The following ESR1 variants were observed in gnomAD, a reference collection of about 807,000 sequenced individuals.
ESR1 encodes the protein estrogen receptor 1.
Under a neutral mutation model 52.7 loss-of-function variants are expected in ESR1, and 12 were observed. The observed-to-expected ratio is 0.23, with a 90% CI of 0.15 to 0.37. The LOEUF (loss-of-function observed/expected upper bound fraction) is 0.37, where lower values mean the gene tolerates loss of function less well. Ranked by LOEUF, ESR1 falls within the 10% of genes least tolerant of loss-of-function variation. The pLI is 1.00. For missense variants in ESR1, 584 were observed against 779.7 expected, an observed-to-expected ratio of 0.75 and a Z score of 2.99; for synonymous variants, 305 against 316.8, an observed-to-expected ratio of 0.96 and a Z score of 0.39.
At chr6:151,953,728 A>G (rs556979754) in intron 4 of ESR1, among the ~76,000 whole-genome samples, 2 of 152,110 alleles carry the variant, frequency 1.3e-5, no homozygotes, top group African/African-American at 4.8e-5. Context: ...AAAAAAGAAT[A>G]CAGTGAGGAC....
At chr6:151,857,485 C>G (rs898173226) in intron 2 of ESR1, among the ~76,000 whole-genome samples, 7 of 150,526 alleles carry the variant, frequency 4.7e-5, no homozygotes, top group Non-Finnish European at 1.5e-5. Context: ...ACAAACACAC[C>G]CACCCACCCA....
chr6:151,751,942 T>C (rs1406187240), intron 2 of ESR1, among the ~76,000 whole-genome samples: 10 of 152,254 alleles, frequency 6.6e-5, no homozygotes, highest in Non-Finnish European at 1.2e-4. Context: ...ATATTTAATA[T>C]GCATTGAGAG....
At chr6:151,984,313 T>C (rs1329465694) in intron 4 of ESR1, 2 of 152,050 alleles carry the variant, frequency 1.3e-5, no homozygotes, top group East Asian at 1.9e-4. Flanking sequence ...TCTTCTGAGA[T>C]GTATAGGTTA....
chr6:151,906,951 A>T (rs1463260358), intron 3 of ESR1, among the ~76,000 whole-genome samples: 1 of 151,790 alleles, frequency 6.6e-6, no homozygotes, highest in Non-Finnish European at 1.5e-5. Context: ...GTAGGAATAT[A>T]ACTTAATTTT....
intron 3 of ESR1, among the ~76,000 whole-genome samples, chr6:151,924,337 G>A (rs999373108): frequency 2.0e-5 from 3 of 152,094 alleles, no homozygotes; most frequent in Non-Finnish European, 2.9e-5. Context: ...CACGGCGTCC[G>A]GCCTGCAATT....
rs1157225530 is a variant in ESR1, at chr6:152,094,981, C to T, written c.1553+413C>T. ...AATGAGAGACCCTGGGGCCAGATGC[C>T]TCACGGAGAGTCAATGTTGACTCCT... On this transcript the variant is annotated intron_variant, in intron 7 of 7. Coordinates refer to ENST00000206249, the MANE Select transcript of ESR1 (RefSeq NM_000125.4). The surrounding 1 kb of genome is among the most constrained non-coding windows in gnomAD (Gnocchi z 4.6). Among the ~76,000 whole-genome samples the T allele has an allele frequency of 6.6e-6, 1 of 152,112 alleles. No homozygotes were observed. Among genetic ancestry groups the T allele is most frequent in the Non-Finnish European group, 1.5e-5 (1 of 68,024 alleles).
At chr6:151,840,102 G>A (rs1323418471) in intron 1 of ESR1, among the ~76,000 whole-genome samples, 1 of 152,158 alleles carries the variant, frequency 6.6e-6, no homozygotes, top group Non-Finnish European at 1.5e-5. Flanking sequence ...TGTATTGAAT[G>A]CTTGCTATGT....
At chr6:151,672,742 G>A (rs1206635146) in intron 1 of ESR1, among the ~76,000 whole-genome samples, 11 of 151,786 alleles carry the variant, frequency 7.2e-5, no homozygotes. Context: ...CAGAGTGCTG[G>A]GATTACAGGC....
chr6:152,124,963 C>G (rs1459765901), intron 6 of ESR1, among the ~76,000 whole-genome samples: 1 of 152,124 alleles, frequency 6.6e-6, no homozygotes, highest in African/African-American at 2.4e-5. Context: ...CAGTCCTCTG[C>G]GGTGTGTACT....
chr6:152,093,869 G>A (rs958479960), intron 6 of ESR1, among the ~76,000 whole-genome samples: 2 of 152,076 alleles, frequency 1.3e-5, no homozygotes, highest in African/African-American at 2.4e-5. Flanking sequence ...AGTTTCACAC[G>A]TCTCCCGAGA....
intron 2 of ESR1, among the ~76,000 whole-genome samples, chr6:151,750,937 G>C (rs1783856195): frequency 6.6e-6 from 1 of 152,128 alleles, no homozygotes; most frequent in Non-Finnish European, 1.5e-5. Context: ...TCAAATGGAG[G>C]AAAAAAATGG....
intron 4 of ESR1, among the ~76,000 whole-genome samples, chr6:151,987,814 T>C (rs1367345481): frequency 2.0e-5 from 3 of 152,172 alleles, no homozygotes; most frequent in African/African-American, 4.8e-5. Flanking sequence ...GCTTTTGGAT[T>C]ATTATTGTTA....
chr6:152,052,127 C>T lies in ESR1; in HGVS notation c.1236-8864C>T, dbSNP rs576205092. Reference sequence around the variant, plus strand: ...TGGTGGAAGGCAAAGAGAGAGCAGGCGTTTCACACAGCAAAGGAGAGAGCA... The same window carrying T: ...TGGTGGAAGGCAAAGAGAGAGCAGGTGTTTCACACAGCAAAGGAGAGAGCA... On this transcript the variant is annotated intron_variant, in intron 5 of 7. Transcript: ENST00000206249. 7.2e-5 allele frequency among the ~76,000 whole-genome samples: 11 copies of T among 152,248 alleles called. 1 individual carries two copies. In the South Asian group the frequency reaches 2.1e-3, roughly 29 times the overall value.
chr6:151,721,916 A>T (rs1449057963), intron 2 of ESR1, among the ~76,000 whole-genome samples: 2 of 152,208 alleles, frequency 1.3e-5, no homozygotes, highest in African/African-American at 2.4e-5. Flanking sequence ...GTACATGCCA[A>T]ATATGTTTCA....
At chr6:151,712,325 C>CT (rs777074509) in intron 2 of ESR1, among the ~76,000 whole-genome samples, 52 of 151,918 alleles carry the variant, frequency 3.4e-4, no homozygotes, top group Middle Eastern at 3.4e-3. Context: ...GCTATACGGG[C>CT]TTTTTTTTGG....
At chr6:151,985,870 G>A (rs1315928565) in intron 4 of ESR1, among the ~76,000 whole-genome samples, 3 of 151,852 alleles carry the variant, frequency 2.0e-5, no homozygotes, top group Non-Finnish European at 4.4e-5. Flanking sequence ...GTTTCACCAC[G>A]TTGGCCCAGG....
At chr6:151,824,322 G>T (rs1562445091) in intron 1 of ESR1, among the ~76,000 whole-genome samples, 2 of 151,850 alleles carry the variant, frequency 1.3e-5, no homozygotes, top group African/African-American at 2.4e-5. Flanking sequence ...TGGGGTTGTT[G>T]TTTTTTTTCT....
At chr6:151,815,022 A>G (rs755934488) in intron 1 of ESR1, among the ~76,000 whole-genome samples, 2 of 152,214 alleles carry the variant, frequency 1.3e-5, no homozygotes, top group Non-Finnish European at 2.9e-5. Context: ...TCATTTCTGA[A>G]CATTCAGTGC....
At chr6:151,693,356 C>T (rs1331994837) in intron 1 of ESR1, among the ~76,000 whole-genome samples, 1 of 152,202 alleles carries the variant, frequency 6.6e-6, no homozygotes, top group African/African-American at 2.4e-5. Context: ...TCAATCCAAT[C>T]AACTGAGCGT....
Sources: allele counts gnomAD v4.1 joint callset (sites outside exome capture counted in the v4.1 genomes callset), GRCh38; gene constraint gnomAD v4.1.1; non-coding constraint Gnocchi (gnomAD v3.1); transcripts MANE v1.5; gene names NCBI Gene and HGNC (gene_info 2026-07-23, HGNC 2026-07-21).